Variants in RSRC1 observed in about 807,000 individuals in gnomAD.
The protein encoded by RSRC1 is serine/Arginine-related protein 53.
In RSRC1, 39 loss-of-function variants were observed where a neutral mutation model predicts 49.1. The ratio of observed to expected loss-of-function variants is 0.79; its 90% CI spans 0.61 to 1.04. The LOEUF (loss-of-function observed/expected upper bound fraction) is 1.04. Among genes scored for constraint, RSRC1 ranks in the 50% least tolerant of loss-of-function variants. The pLI is 0.00. For synonymous variants in RSRC1, 143 were observed against 130.8 expected, an observed-to-expected ratio of 1.09 and a Z score of -0.63; for missense variants, 388 against 402.4, an observed-to-expected ratio of 0.96 and a Z score of 0.31.
At chr3:158,135,912 TCTTTA>T (rs1489569994) in intron 3 of RSRC1, among the ~76,000 whole-genome samples, 1 of 152,192 alleles carries the variant, frequency 6.6e-6, no homozygotes, top group Non-Finnish European at 1.5e-5. Context: ...ATCTTTTAGG[TCTTTA>T]CTTAAAGACA....
rs75069338 is a variant in RSRC1 at position 158,181,276 on chromosome 3, T to G, written c.321-21796T>G. On this transcript the variant is annotated intron_variant, in intron 3 of 9. Coordinates refer to ENST00000611884, the MANE Select transcript of RSRC1 (RefSeq NM_001271838.2). ...GGGCTCTGAGGACAAGGGAACAGAA[T>G]GAATTAGGCAAATGTGGCATGCTAA... 1.0e-2 allele frequency among the ~76,000 whole-genome samples: 1,521 copies of G among 152,268 alleles called. 26 individuals are homozygous for G. The highest frequency in any genetic ancestry group is 0.034 in the African/African-American group (1,424 of 41,556).
intron 3 of RSRC1, among the ~76,000 whole-genome samples, chr3:158,165,373 A>C (rs1183326151): frequency 6.6e-6 from 1 of 152,214 alleles, no homozygotes; most frequent in Non-Finnish European, 1.5e-5. Context: ...AATAAGCATC[A>C]TTGCATCGTT....
chr3:158,272,767 A>G (rs944459031), intron 4 of RSRC1, among the ~76,000 whole-genome samples: 1 of 152,088 alleles, frequency 6.6e-6, no homozygotes, highest in African/African-American at 2.4e-5. Flanking sequence ...CTATTGATGT[A>G]AATTCAAACT....
chr3:158,332,763 C>G (rs1313145260), intron 5 of RSRC1, among the ~76,000 whole-genome samples: 1 of 151,034 alleles, frequency 6.6e-6, no homozygotes, highest in Non-Finnish European at 1.5e-5. Flanking sequence ...ATGTATTTTT[C>G]TATGATAGCA....
chr3:158,198,720 T>C (rs1720822318), intron 3 of RSRC1, among the ~76,000 whole-genome samples: 1 of 152,120 alleles, frequency 6.6e-6, no homozygotes, highest in Non-Finnish European at 1.5e-5. Flanking sequence ...GGTACCTCAG[T>C]TGGAAATGCA....
chr3:158,173,152 C>T lies in RSRC1; in HGVS notation c.321-29920C>T, dbSNP rs147200653. ...CATAGGCTTTATAGAGAATATAAGA[C>T]GAGTTTAACCTTGTTTATAATTATA... On this transcript the variant is annotated intron_variant, in intron 3 of 9. Transcript: ENST00000611884. Among the ~76,000 whole-genome samples, 82 of 151,850 alleles carry T rather than the reference C, an allele frequency of 5.4e-4. 2 individuals carry two copies. The highest frequency in any genetic ancestry group is 3.1e-3 in the East Asian group (16 of 5,168).
At chr3:158,306,948 G>A (rs573526622) in intron 5 of RSRC1, among the ~76,000 whole-genome samples, 9 of 151,744 alleles carry the variant, frequency 5.9e-5, no homozygotes, top group South Asian at 4.1e-4. Flanking sequence ...TGAAAGACAA[G>A]TAAATTGATA....
chr3:158,337,172 C>T (rs963862453), intron 5 of RSRC1, among the ~76,000 whole-genome samples: 22 of 152,224 alleles, frequency 1.4e-4, no homozygotes, highest in African/African-American at 4.8e-4. Context: ...GTAGGAGTGT[C>T]CCGCTTCCCA....
chr3:158,452,145 T>C (rs1407568583), intron 6 of RSRC1, among the ~76,000 whole-genome samples: 3 of 152,138 alleles, frequency 2.0e-5, no homozygotes, highest in Admixed American at 2.0e-4. Context: ...TGAATAAATA[T>C]GTAAGAAACA....
rs1019578893 is a variant in RSRC1, at chr3:158,264,487, C to G, written c.495-33552C>G. On this transcript the variant is annotated intron_variant, in intron 4 of 9. Coordinates refer to ENST00000611884, the MANE Select transcript of RSRC1 (RefSeq NM_001271838.2). ...TGAATAAGTTTTGTATTCTGCTGTT[C>G]TTATGTGGACTGTTCTCTAAGTGTC... 3.3e-5 allele frequency among the ~76,000 whole-genome samples: 5 copies of G among 152,128 alleles called. No homozygotes were observed. In the East Asian group the frequency reaches 7.7e-4, roughly 23 times the overall value.
chr3:158,235,251 A>G (rs748064269), intron 4 of RSRC1, among the ~76,000 whole-genome samples: 7 of 152,110 alleles, frequency 4.6e-5, no homozygotes, highest in Non-Finnish European at 8.8e-5. Context: ...CAGGTTGAAC[A>G]TTGTTTGTCC....
intron 4 of RSRC1, among the ~76,000 whole-genome samples, chr3:158,281,384 G>T (rs1726158847): frequency 6.6e-6 from 1 of 151,152 alleles, no homozygotes; most frequent in Non-Finnish European, 1.5e-5. Flanking sequence ...CAGGGTAAAT[G>T]AATCTGGAGC....
intron 7 of RSRC1, among the ~76,000 whole-genome samples, chr3:158,500,388 A>T (rs903302083): frequency 6.6e-6 from 1 of 152,024 alleles, no homozygotes; most frequent in South Asian, 2.1e-4. Flanking sequence ...CATAGAATGA[A>T]TTGGGGAGGG....
chr3:158,518,438 T>C (rs140082395), intron 7 of RSRC1, among the ~76,000 whole-genome samples: 25 of 140,610 alleles, frequency 1.8e-4, no homozygotes, highest in African/African-American at 5.9e-4. Context: ...AACTCTTCAT[T>C]TTGGGTCATA....
intron 4 of RSRC1, among the ~76,000 whole-genome samples, chr3:158,259,550 G>C (rs1441169455): frequency 2.6e-5 from 4 of 152,154 alleles, no homozygotes; most frequent in African/African-American, 9.7e-5. Context: ...ACTGGGTCTT[G>C]TGCATGGCCT....
At chr3:158,131,111 T>G (rs1011242128) in intron 3 of RSRC1, among the ~76,000 whole-genome samples, 1 of 151,542 alleles carries the variant, frequency 6.6e-6, no homozygotes, top group Non-Finnish European at 1.5e-5. Context: ...TTTTTTAAAT[T>G]TTTTTATTTT....
At chr3:158,398,985 T>C (rs1222889149) in intron 6 of RSRC1, among the ~76,000 whole-genome samples, 1 of 147,584 alleles carries the variant, frequency 6.8e-6, no homozygotes, top group Non-Finnish European at 1.5e-5. Context: ...TGTATTTGTG[T>C]GTGTGTGTGT....
chr3:158,518,102 G>A (rs1197609041), intron 7 of RSRC1, among the ~76,000 whole-genome samples: 7,598 of 50,880 alleles, frequency 0.15, 331 homozygotes, highest in South Asian at 0.21. Context: ...GTGCGTGTGT[G>A]TGTGTGTGTG....
intron 5 of RSRC1, chr3:158,302,694 C>CTCAG (rs1371649589): frequency 4.6e-5 from 4 of 86,416 alleles, no homozygotes; most frequent in African/African-American, 2.0e-4. Flanking sequence ...GGGAGTCTTG[C>CTCAG]TCAGTCTCCC....
Sources: gnomAD v4.1 joint callset for allele counts (sites outside exome capture counted in the v4.1 genomes callset) on GRCh38, gnomAD v4.1.1 for gene constraint, MANE v1.5 for transcripts, NCBI Gene and HGNC (gene_info 2026-07-23, HGNC 2026-07-21) for gene names.